TUSC3: variants seen among roughly 807,000 people sequenced by gnomAD.
TUSC3 encodes dolichyl-diphosphooligosaccharide--protein glycosyltransferase subunit TUSC3.
Under a neutral mutation model 44.8 loss-of-function variants are expected in TUSC3, and 45 were observed. That is an observed-to-expected ratio of 1.00 (90% CI 0.79 to 1.29). TUSC3 has a LOEUF of 1.29. TUSC3 is among the 50% of genes most tolerant of loss of function. TUSC3 has a pLI of 0.00. For missense variants in TUSC3, 519 were observed against 437.9 expected, an observed-to-expected ratio of 1.19 and a Z score of -1.65; for synonymous variants, 212 against 152.9, an observed-to-expected ratio of 1.39 and a Z score of -2.85.
intron 1 of TUSC3, among the ~76,000 whole-genome samples, chr8:15,606,172 T>G (rs1804516723): frequency 6.6e-6 from 1 of 152,130 alleles, no homozygotes; most frequent in East Asian, 1.9e-4. Context: ...ATACCATAGA[T>G]TGAGATCTGT....
At chr8:15,780,344 G>T in the TUSC3 span, among the ~76,000 whole-genome samples, 2 of 152,114 alleles carry the variant, frequency 1.3e-5, no homozygotes, top group African/African-American at 4.8e-5. Flanking sequence ...AGGAGAGTTT[G>T]GGCCACACAT....
At chr8:15,803,085 A>G in the TUSC3 span, among the ~76,000 whole-genome samples, 2 of 152,340 alleles carry the variant, frequency 1.3e-5, no homozygotes, top group Admixed American at 1.3e-4. Context: ...CCTCTCTTCT[A>G]AAAGTTTACC....
intron 6 of TUSC3, among the ~76,000 whole-genome samples, chr8:15,721,335 G>A (rs935784804): frequency 4.6e-5 from 7 of 151,972 alleles, no homozygotes; most frequent in Non-Finnish European, 8.8e-5. Context: ...CCTTAATGCA[G>A]AATTATGTAA....
chr8:15,829,835 T>C, the TUSC3 span, among the ~76,000 whole-genome samples: 1 of 152,148 alleles, frequency 6.6e-6, no homozygotes, highest in African/African-American at 2.4e-5. Flanking sequence ...AGGCTGGGTC[T>C]AATAGTTTTA....
intron 2 of TUSC3, among the ~76,000 whole-genome samples, chr8:15,516,599 C>G (rs541920755): frequency 6.6e-6 from 1 of 152,268 alleles, no homozygotes; most frequent in African/African-American, 2.4e-5. Context: ...GGCCCCTCCT[C>G]GAAATGCTTG....
chr8:15,623,456 G>T (rs1335808371), intron 2 of TUSC3, among the ~76,000 whole-genome samples: 1 of 152,036 alleles, frequency 6.6e-6, no homozygotes, highest in Non-Finnish European at 1.5e-5. Flanking sequence ...AATATTCATT[G>T]ACCAGTTGCA....
chr8:15,599,756 C>T (rs966227697), intron 1 of TUSC3, among the ~76,000 whole-genome samples: 1 of 149,790 alleles, frequency 6.7e-6, no homozygotes, highest in Admixed American at 6.7e-5. Flanking sequence ...TTTCTTAGCC[C>T]TCTATTCTGT....
At chr8:15,634,128 A>G (rs1270332847) in intron 2 of TUSC3, among the ~76,000 whole-genome samples, 1 of 152,238 alleles carries the variant, frequency 6.6e-6, no homozygotes, top group East Asian at 1.9e-4. Flanking sequence ...GAGCAAAGAC[A>G]AGATGGTATT....
intron 1 of TUSC3, chr8:15,483,331 TG>T (rs1800688462): frequency 8.9e-6 from 2 of 224,892 alleles, no homozygotes; most frequent in Non-Finnish European, 8.9e-6. Context: ...TTGTTGTTGT[TG>T]TTGTTTTGTT....
chr8:15,680,831 A>G (rs1422355273), intron 6 of TUSC3, among the ~76,000 whole-genome samples: 3 of 152,062 alleles, frequency 2.0e-5, no homozygotes, highest in African/African-American at 7.2e-5. Context: ...TTCTGTGCCT[A>G]TTGTGATGAT....
chr8:15,715,495 C>T (rs183808838), intron 6 of TUSC3, among the ~76,000 whole-genome samples: 420 of 152,120 alleles, frequency 2.8e-3, no homozygotes, highest in African/African-American at 9.3e-3. Flanking sequence ...AGGCATGATT[C>T]GCAGCCCAAG....
chr8:15,801,030 T>C, the TUSC3 span, among the ~76,000 whole-genome samples: 3 of 152,318 alleles, frequency 2.0e-5, no homozygotes, highest in African/African-American at 7.2e-5. Flanking sequence ...GAGAGGGTTC[T>C]GGATCTCACC....
the TUSC3 span, among the ~76,000 whole-genome samples, chr8:15,822,037 A>G: frequency 6.6e-6 from 1 of 152,182 alleles, no homozygotes; most frequent in Non-Finnish European, 1.5e-5. Context: ...GCCATTTTCT[A>G]GATGCCCTTA....
chr8:15,630,703 AT>A (rs1338779931), intron 2 of TUSC3, among the ~76,000 whole-genome samples: 1 of 152,048 alleles, frequency 6.6e-6, no homozygotes, highest in Non-Finnish European at 1.5e-5. Context: ...CCTAACCAAG[AT>A]TATTAGTGTC....
chr8:15,648,388 C>A (rs1057401444), intron 2 of TUSC3, among the ~76,000 whole-genome samples: 3 of 151,960 alleles, frequency 2.0e-5, no homozygotes, highest in East Asian at 1.9e-4. Context: ...CCTGACTAGA[C>A]GCGGGCAGAC....
intron 6 of TUSC3, among the ~76,000 whole-genome samples, chr8:15,693,766 T>C (rs1194518315): frequency 6.6e-6 from 1 of 152,132 alleles, no homozygotes; most frequent in African/African-American, 2.4e-5. Context: ...TTCTCTCCCT[T>C]ACAGGGACAC....
At chr8:15,586,059 A>C (rs917005866) in intron 1 of TUSC3, among the ~76,000 whole-genome samples, 2 of 152,096 alleles carry the variant, frequency 1.3e-5, no homozygotes, top group Non-Finnish European at 2.9e-5. Context: ...AGAGTATGGT[A>C]TGTCAGAAAC....
At chr8:15,737,680 G>T (rs1022741310) in intron 7 of TUSC3, among the ~76,000 whole-genome samples, 1 of 152,136 alleles carries the variant, frequency 6.6e-6, no homozygotes, top group African/African-American at 2.4e-5. Flanking sequence ...ATAAGGCAAA[G>T]CTAGACGGCT....
At chr8:15,719,231 C>T (rs1810195507) in intron 6 of TUSC3, among the ~76,000 whole-genome samples, 1 of 152,002 alleles carries the variant, frequency 6.6e-6, no homozygotes, top group African/African-American at 2.4e-5. Context: ...TCTTACATTT[C>T]CTTGAACATG....
Sources: gnomAD v4.1 joint callset for allele counts (sites outside exome capture counted in the v4.1 genomes callset) on GRCh38, gnomAD v4.1.1 for gene constraint, MANE v1.5 for transcripts, NCBI Gene and HGNC (gene_info 2026-07-23, HGNC 2026-07-21) for gene names.